The following P2RY6 variants were observed in gnomAD, a reference collection of about 807,000 sequenced individuals.
P2RY6 encodes pyrimidinergic receptor P2Y6.
In P2RY6, 19 loss-of-function variants were observed where a neutral mutation model predicts 16.3. The ratio of observed to expected loss-of-function variants is 1.16; its 90% CI spans 0.81 to 1.71. The LOEUF (loss-of-function observed/expected upper bound fraction) is 1.71. Ranked by LOEUF, P2RY6 falls within the 40% of genes most tolerant of loss-of-function variation. P2RY6 has a pLI of 0.00. For missense variants in P2RY6, 389 were observed against 455.5 expected (o/e 0.85, Z 1.33); for synonymous variants, 184 against 201.5 (o/e 0.91, Z 0.74).
intron 1 of P2RY6, among the ~76,000 whole-genome samples, chr11:73,273,746 T>G (rs1156920632): frequency 1.3e-5 from 2 of 152,194 alleles, no homozygotes; most frequent in African/African-American, 4.8e-5. Flanking sequence ...TTGCCTGGCT[T>G]CTCTGTGCAG....
At chr11:73,287,466 A>G (rs113188011) in intron 1 of P2RY6, among the ~76,000 whole-genome samples, 41 of 152,334 alleles carry the variant, frequency 2.7e-4, no homozygotes, top group African/African-American at 9.9e-4. Context: ...GGGATCCCCC[A>G]AAGGAAAATC....
chr11:73,268,861 C>T (rs781551152), upstream of P2RY6, among the ~76,000 whole-genome samples: 6 of 152,342 alleles, frequency 3.9e-5, no homozygotes, highest in Non-Finnish European at 7.3e-5. Context: ...GGGATGTGCA[C>T]GAGACCATTC....
At chr11:73,286,243 C>T (rs1056811695) in intron 1 of P2RY6, among the ~76,000 whole-genome samples, 19 of 152,180 alleles carry the variant, frequency 1.2e-4, no homozygotes, top group Admixed American at 9.8e-4. Context: ...GCCAGGTGGG[C>T]TCAGGCCCCA....
At chr11:73,277,224 C>T (rs1188822505) in intron 1 of P2RY6, among the ~76,000 whole-genome samples, 2 of 152,064 alleles carry the variant, frequency 1.3e-5, no homozygotes, top group Non-Finnish European at 2.9e-5. Flanking sequence ...AGCGATTCTC[C>T]TGCCTCAGCC....
intron 1 of P2RY6, among the ~76,000 whole-genome samples, chr11:73,294,309 TC>T (rs1380988887): frequency 1.3e-5 from 2 of 152,214 alleles, no homozygotes; most frequent in East Asian, 3.9e-4. Context: ...TGTATCTGTA[TC>T]CCCATATCTC....
At chr11:73,268,625 A>T (rs1368423288), upstream of P2RY6, among the ~76,000 whole-genome samples, 1 of 152,032 alleles carries the variant, frequency 6.6e-6, no homozygotes, top group Admixed American at 6.5e-5. Flanking sequence ...CCCTGTCTGG[A>T]AAAAAAAGAT....
chr11:73,267,165 C>A (rs1863132480), intron 1 of P2RY6, among the ~76,000 whole-genome samples: 1 of 152,258 alleles, frequency 6.6e-6, no homozygotes, highest in Non-Finnish European at 1.5e-5. Context: ...TTGGAGGATT[C>A]TGGCCCTGGC....
At chr11:73,288,731 AG>A (rs34457626) in intron 1 of P2RY6, among the ~76,000 whole-genome samples, 5,497 of 152,302 alleles carry the variant, frequency 0.036, 133 homozygotes, top group Middle Eastern at 0.092. Context: ...CCTGTATAGT[AG>A]GTAGGTACCA....
intron 1 of P2RY6, among the ~76,000 whole-genome samples, chr11:73,274,092 A>G (rs888337960): frequency 1.3e-5 from 2 of 152,178 alleles, no homozygotes; most frequent in African/African-American, 4.8e-5. Flanking sequence ...GACTCTTTAT[A>G]ACATCCCAAT....
At chr11:73,294,962 C>T (rs1332013664) in intron 1 of P2RY6, among the ~76,000 whole-genome samples, 1 of 151,436 alleles carries the variant, frequency 6.6e-6, no homozygotes, top group African/African-American at 2.5e-5. Context: ...GGATCAGAGT[C>T]CATATACTTT....
At chr11:73,279,903 C>T (rs1863687568) in intron 1 of P2RY6, among the ~76,000 whole-genome samples, 1 of 152,166 alleles carries the variant, frequency 6.6e-6, no homozygotes, top group Non-Finnish European at 1.5e-5. Flanking sequence ...GATGGGCAGC[C>T]AGGGTTGGGA....
At chr11:73,266,876 A>G (rs1863123276) in intron 1 of P2RY6, among the ~76,000 whole-genome samples, 1 of 152,120 alleles carries the variant, frequency 6.6e-6, no homozygotes, top group Non-Finnish European at 1.5e-5. Flanking sequence ...GAAGGTCTGG[A>G]CAGAGCCCTC....
intron 1 of P2RY6, among the ~76,000 whole-genome samples, chr11:73,278,555 C>A (rs1003721268): frequency 1.3e-5 from 2 of 152,206 alleles, no homozygotes; most frequent in African/African-American, 4.8e-5. Flanking sequence ...TGGCAACCCC[C>A]ACTCTACTTT....
chr11:73,270,687 G>C (rs1195238376), upstream of P2RY6, among the ~76,000 whole-genome samples: 1 of 152,194 alleles, frequency 6.6e-6, no homozygotes, highest in Non-Finnish European at 1.5e-5. Flanking sequence ...CACAAGCTCG[G>C]GATGCTCCCT....
At chr11:73,296,013 T>A (rs1292518678) in intron 2 of P2RY6, among the ~76,000 whole-genome samples, 198 bp downstream of exon 2, 1 of 151,936 alleles carries the variant, frequency 6.6e-6, no homozygotes, top group Non-Finnish European at 1.5e-5. Context: ...ACAGCATGAT[T>A]TAGTGCTTCT....
chr11:73,279,286 A>G (rs773436753), intron 1 of P2RY6, among the ~76,000 whole-genome samples: 15 of 152,174 alleles, frequency 9.9e-5, no homozygotes, highest in Admixed American at 6.5e-4. Flanking sequence ...TATCAGACAT[A>G]TGGTTTGCAA....
At chr11:73,290,774 C>A (rs1387072496) in intron 1 of P2RY6, among the ~76,000 whole-genome samples, 1 of 152,250 alleles carries the variant, frequency 6.6e-6, no homozygotes, top group African/African-American at 2.4e-5. Context: ...ACCCCTCAGA[C>A]CTGAGTGTTC....
In P2RY6 at chr11:73,296,496, A is replaced by G. The variant is rs371661513; in HGVS notation, c.-23A>G. On this transcript the variant is annotated 5_prime_UTR_variant, in exon 3 of 3. Transcript: ENST00000540124. ...TATTGCTTTCCCAGCCTCCCTGAAC[A>G]TAGGAAACCCACCTGGGCAGCCATG... 5.0e-6 allele frequency: 8 copies of G among 1,607,886 alleles called. No homozygotes were observed. The African/African-American group carries it at 1.1e-4, about 21-fold the overall frequency.
Position 73,297,380 on chromosome 11 carries a change from C to A in P2RY6, c.862C>A (p.Pro288Thr). Reference sequence around the variant, plus strand: ...TGCAGCGGCCTACAAAGGCACGCGGCCGTTTGCCAGTGCCAACAGCGTGCT... The same window carrying A: ...TGCAGCGGCCTACAAAGGCACGCGGACGTTTGCCAGTGCCAACAGCGTGCT... ...AFAAAYKGTRPFASANSVLDP... is the reference protein window; with the variant it reads ...AFAAAYKGTRTFASANSVLDP... Residue 288 changes from proline to threonine, a missense_variant, in exon 3 of 3, where the codon CCG becomes ACG. Physicochemically the swap from Pro to Thr is conservative, Grantham distance 38 (BLOSUM62 -1). Coordinates refer to ENST00000540124, the MANE Select transcript of P2RY6 (RefSeq NM_001277204.2). 9.9e-6 allele frequency: 16 copies of A among 1,612,228 alleles called. No homozygotes were observed. The highest frequency in any genetic ancestry group is 1.3e-5 in the Non-Finnish European group (15 of 1,180,032).
Sources: gnomAD v4.1 joint callset for allele counts (sites outside exome capture counted in the v4.1 genomes callset) on GRCh38, gnomAD v4.1.1 for gene constraint, MANE v1.5 for transcripts, NCBI Gene and HGNC (gene_info 2026-07-23, HGNC 2026-07-21) for gene names.